The following FER variants were observed in gnomAD, a reference collection of about 807,000 sequenced individuals.
FER encodes the protein tyrosine-protein kinase Fer.
Under a neutral mutation model 111.0 loss-of-function variants are expected in FER, and 63 were observed. The ratio of observed to expected loss-of-function variants is 0.57; its 90% CI spans 0.46 to 0.70. The LOEUF (loss-of-function observed/expected upper bound fraction) is 0.70, where lower values mean the gene tolerates loss of function less well. Ranked by LOEUF, FER falls within the 30% of genes least tolerant of loss-of-function variation. The pLI is 0.00. For synonymous variants in FER, 327 were observed against 313.9 expected (o/e 1.04, Z -0.44); for missense variants, 914 against 954.0 (o/e 0.96, Z 0.55).
At chr5:108,999,121 C>T (rs1478376294) in intron 13 of FER, among the ~76,000 whole-genome samples, 4 of 151,956 alleles carry the variant, frequency 2.6e-5, no homozygotes, top group Admixed American at 6.6e-5. Flanking sequence ...AACTTGTAGC[C>T]TTCCTTGATT....
chr5:109,054,732 G>C (rs72790594), intron 16 of FER, among the ~76,000 whole-genome samples: 1 of 152,124 alleles, frequency 6.6e-6, no homozygotes, highest in African/African-American at 2.4e-5. Flanking sequence ...ATATTTGAGT[G>C]TAGGACCCAT....
At chr5:108,956,189 C>G (rs924876890) in intron 12 of FER, among the ~76,000 whole-genome samples, 1 of 151,556 alleles carries the variant, frequency 6.6e-6, no homozygotes, top group African/African-American at 2.4e-5. Flanking sequence ...TTGGCAAACT[C>G]TTTTGTAATT....
intron 10 of FER, among the ~76,000 whole-genome samples, chr5:108,928,753 A>G (rs1390188315): frequency 6.9e-6 from 1 of 144,066 alleles, no homozygotes; most frequent in Non-Finnish European, 1.5e-5. Flanking sequence ...ATATACATAT[A>G]TATAAAGTCT....
At chr5:109,014,249 T>A (rs1379735603) in intron 13 of FER, among the ~76,000 whole-genome samples, 3 of 152,132 alleles carry the variant, frequency 2.0e-5, no homozygotes, top group Admixed American at 6.5e-5. Flanking sequence ...CATCTTGAAT[T>A]AATTTTTGTA....
At chr5:108,920,590 C>A (rs1752896558) in intron 10 of FER, among the ~76,000 whole-genome samples, 1 of 152,134 alleles carries the variant, frequency 6.6e-6, no homozygotes, top group South Asian at 2.1e-4. Flanking sequence ...TCTTCCAAAT[C>A]CTGTTAGCAA....
chr5:109,149,398 G>A (rs1014163078), intron 17 of FER, among the ~76,000 whole-genome samples: 2 of 152,042 alleles, frequency 1.3e-5, no homozygotes, highest in African/African-American at 2.4e-5. Flanking sequence ...TTAGACCAGG[G>A]GTCCCCAACC....
At chr5:108,907,355 C>T (rs1248408535) in intron 10 of FER, among the ~76,000 whole-genome samples, 5 of 151,704 alleles carry the variant, frequency 3.3e-5, no homozygotes, top group Non-Finnish European at 2.9e-5. Context: ...AGTGCAGTGG[C>T]GGGATCTCGG....
intron 3 of FER, among the ~76,000 whole-genome samples, chr5:108,814,646 G>T (rs1758094827): frequency 6.6e-6 from 1 of 152,162 alleles, no homozygotes; most frequent in Admixed American, 6.5e-5. Flanking sequence ...GTCTGGATCT[G>T]TTTAGTAAAC....
At chr5:108,963,488 G>A (rs2149677918) in intron 13 of FER, among the ~76,000 whole-genome samples, 1 of 152,248 alleles carries the variant, frequency 6.6e-6, no homozygotes, top group East Asian at 1.9e-4. Context: ...CTTGAATCTG[G>A]GAGGCAGAGG....
intron 10 of FER, among the ~76,000 whole-genome samples, chr5:108,917,448 G>A (rs919119461): frequency 2.0e-5 from 3 of 152,018 alleles, no homozygotes; most frequent in African/African-American, 7.3e-5. Flanking sequence ...GAATATGAAA[G>A]TCTAATTTAA....
chr5:108,748,188 A>AG (rs1377161761), intron 1 of FER, among the ~76,000 whole-genome samples, 188 bp downstream of exon 1: 8 of 152,254 alleles, frequency 5.3e-5, no homozygotes, highest in Non-Finnish European at 1.0e-4. Flanking sequence ...ATTCTAAAGC[A>AG]ATCCACGTTA....
At chr5:109,092,041 A>G (rs1211723724) in intron 16 of FER, among the ~76,000 whole-genome samples, 1 of 152,054 alleles carries the variant, frequency 6.6e-6, no homozygotes, top group Admixed American at 6.6e-5. Flanking sequence ...TCCAGAGGAC[A>G]CGGCTTTCAA....
At chr5:108,850,813 T>G (rs1561512259) in intron 5 of FER, among the ~76,000 whole-genome samples, 1 of 152,182 alleles carries the variant, frequency 6.6e-6, no homozygotes, top group Non-Finnish European at 1.5e-5. Context: ...GTTAGATAGT[T>G]TCTCTGGAAA....
intron 16 of FER, among the ~76,000 whole-genome samples, chr5:109,077,834 A>G (rs966180623): frequency 9.8e-5 from 15 of 152,326 alleles, no homozygotes; most frequent in African/African-American, 1.7e-4. Context: ...TGGACAAAGC[A>G]TTATAAAGAA....
At chr5:108,878,048 G>C (rs1765267704) in intron 8 of FER, among the ~76,000 whole-genome samples, 1 of 151,782 alleles carries the variant, frequency 6.6e-6, no homozygotes, top group African/African-American at 2.4e-5. Context: ...TGGAACTACG[G>C]GTGTGCACCA....
At chr5:109,131,309 AT>A in intron 17 of FER, among the ~76,000 whole-genome samples, 1 of 152,114 alleles carries the variant, frequency 6.6e-6, no homozygotes, top group South Asian at 2.1e-4. Flanking sequence ...AGGATTAGAG[AT>A]TTATCAGCCT....
chr5:108,949,248 TCTC>T (rs752688755), intron 11 of FER, among the ~76,000 whole-genome samples: 53 of 152,062 alleles, frequency 3.5e-4, no homozygotes, highest in Non-Finnish European at 6.2e-4. Context: ...TTTTTAGTGT[TCTC>T]CTTTGAGTCT....
chr5:109,057,128 C>T (rs1191728963), intron 16 of FER, among the ~76,000 whole-genome samples: 1 of 152,136 alleles, frequency 6.6e-6, no homozygotes, highest in African/African-American at 2.4e-5. Flanking sequence ...TTTACTTTAG[C>T]ATATGGGACT....
At chr5:109,013,483 T>C (rs183499091) in intron 13 of FER, among the ~76,000 whole-genome samples, 26,283 of 150,510 alleles carry the variant, frequency 0.17, 2,480 homozygotes, top group Non-Finnish European at 0.22. Context: ...CTATCATTGT[T>C]GGACATTTGG....
Sources: allele counts gnomAD v4.1 joint callset (sites outside exome capture counted in the v4.1 genomes callset), GRCh38; gene constraint gnomAD v4.1.1; transcripts MANE v1.5; gene names NCBI Gene and HGNC (gene_info 2026-07-23, HGNC 2026-07-21).